NRROS: variants seen among roughly 807,000 people sequenced by gnomAD.
The protein encoded by NRROS is transforming growth factor beta activator LRRC33.
Under a neutral mutation model 12.0 loss-of-function variants are expected in NRROS, and 6 were observed. The observed-to-expected ratio is 0.50, with a 90% confidence interval of 0.27 to 0.98. The LOEUF is 0.98. Ranked by LOEUF, NRROS falls within the 50% of genes least tolerant of loss-of-function variation. The pLI, the probability that NRROS is intolerant of heterozygous loss-of-function variation, is 0.11. For synonymous variants in NRROS, 462 were observed against 410.2 expected (o/e 1.13, Z -1.53); for missense variants, 857 against 888.2 (o/e 0.96, Z 0.45).
At chr3:196,651,098 CAG>C (rs1460759012) in intron 1 of NRROS, among the ~76,000 whole-genome samples, 3 of 152,168 alleles carry the variant, frequency 2.0e-5, no homozygotes, top group Non-Finnish European at 4.4e-5. Context: ...CGGGATTTTG[CAG>C]AGAGATATGG....
intron 1 of NRROS, among the ~76,000 whole-genome samples, chr3:196,646,753 C>T (rs1466057826): frequency 2.0e-5 from 3 of 152,202 alleles, no homozygotes; most frequent in Non-Finnish European, 4.4e-5. Context: ...TCATCCATTC[C>T]CAGAGAGTCT....
intron 1 of NRROS, among the ~76,000 whole-genome samples, chr3:196,650,333 A>G (rs928708419): frequency 1.3e-5 from 2 of 152,134 alleles, no homozygotes; most frequent in African/African-American, 4.8e-5. Flanking sequence ...TAGTAGAGAC[A>G]GGGTTTCACC....
chr3:196,653,435 G>A (rs4912505), intron 1 of NRROS, among the ~76,000 whole-genome samples: 11,316 of 152,328 alleles, frequency 0.074, 463 homozygotes, highest in Non-Finnish European at 0.085. Context: ...GAGCGAGCAG[G>A]TGGGGTGAGC....
rs866758642 is a variant in NRROS, at chr3:196,659,965, C to T, written c.322C>T (p.Arg108Cys). Residue 108 changes from arginine (R) to cysteine (C), a missense_variant, in exon 3 of 3, where the codon CGC (arginine) becomes TGC (cysteine). By Grantham distance (180) the Arg-to-Cys change is radical (BLOSUM62 -3). Transcript: ENST00000328557. Reference protein sequence around the residue: ...RGAFQEQGHLRSLVLGDNCLS... With the variant: ...RGAFQEQGHLCSLVLGDNCLS... ...CGCCTTCCAGGAGCAAGGTCACCTG[C>T]GCAGCCTGGTCCTGGGGGACAACTG... 1.9e-6 allele frequency: 3 copies of T among 1,613,868 alleles called. No homozygotes were observed. The highest frequency in any genetic ancestry group is 2.5e-6 in the Non-Finnish European group (3 of 1,179,904).
intron 2 of NRROS, among the ~76,000 whole-genome samples, chr3:196,657,731 A>G (rs4912587): frequency 0.78 from 115,415 of 148,758 alleles, 45,006 homozygotes; most frequent in African/African-American, 0.84. Flanking sequence ...AAAGATAAAA[A>G]TTCTCTTCCA....
At chr3:196,652,797 A>T (rs1737455410) in intron 1 of NRROS, among the ~76,000 whole-genome samples, 1 of 152,160 alleles carries the variant, frequency 6.6e-6, no homozygotes, top group Non-Finnish European at 1.5e-5. Flanking sequence ...TTCGATACGC[A>T]GGGCTGGCTC....
rs1381663105 is a variant in NRROS, at chr3:196,660,679, G to A, written c.1036G>A (p.Gly346Ser). The A allele has an allele frequency of 1.9e-6, 3 of 1,614,162 alleles. No individual in the cohort carries two copies. The highest frequency in any genetic ancestry group is 2.2e-5 in the East Asian group (1 of 44,878). Residue 346 changes from glycine to serine, a missense_variant, in exon 3 of 3, where the codon GGC becomes AGC. By Grantham distance (56) the Gly-to-Ser change is moderately conservative. Transcript: ENST00000328557. This position sits in a 1 kb window ranked among gnomAD's most constrained non-coding sequence, Gnocchi z 7.7. ...GAACCAGTTCCAGTACCTGCCAGAC[G>A]GCTTCCTGAGGAAAATGCCTTCCCT... ...SQNQFQYLPD[G>S]FLRKMPSLSH... is the part of the protein sequence containing the mutation.
rs115541049 is a variant in NRROS at position 196,642,562 on chromosome 3, C to T, written c.-14+2687C>T. 2.5e-3 allele frequency among the ~76,000 whole-genome samples: 387 copies of T among 152,220 alleles called. 2 individuals are homozygous for T. Among genetic ancestry groups the T allele is most frequent in the Non-Finnish European group, 2.7e-3 (181 of 68,014 alleles). ...CCTTTCCATGAGTTCTAGCAACTGC[C>T]CGTGGATTGATTCTCATGGGCTTGG... On this transcript the variant is annotated intron_variant, in intron 1 of 2. Coordinates refer to ENST00000328557, the MANE Select transcript of NRROS (RefSeq NM_198565.3).
intron 2 of NRROS, 149 bp from the exon 3 acceptor site, chr3:196,659,603 C>G (rs996679162): frequency 3.5e-5 from 29 of 829,048 alleles, no homozygotes; most frequent in Non-Finnish European, 4.9e-5. Flanking sequence ...ACCACCGTGC[C>G]CGGCCTTGTC....
chr3:196,645,531 C>G (rs1259112818), intron 1 of NRROS, among the ~76,000 whole-genome samples: 2 of 152,138 alleles, frequency 1.3e-5, no homozygotes, highest in African/African-American at 4.8e-5. Context: ...AGCCCGTGTT[C>G]CAAGGTGAGC....
chr3:196,660,635 G>A lies in NRROS; in HGVS notation c.992G>A (p.Arg331His), dbSNP rs1315419707. ...EFSSSDLADL[R>H]FLDMSQNQFQ... Reference sequence around the variant, plus strand: ...TCCTCCAGCGACCTCGCAGATCTCCGCTTCCTGGACATGAGCCAGAACCAG... The same window carrying A: ...TCCTCCAGCGACCTCGCAGATCTCCACTTCCTGGACATGAGCCAGAACCAG... Residue 331 changes from arginine (R) to histidine (H), a missense_variant, in exon 3 of 3, where the codon CGC becomes CAC. Arg to His is a conservative substitution (Grantham distance 29). Coordinates refer to ENST00000328557, the MANE Select transcript of NRROS (RefSeq NM_198565.3). This position sits in a 1 kb window ranked among gnomAD's most constrained non-coding sequence, Gnocchi z 7.7. The A allele has an allele frequency of 4.3e-6, 7 of 1,614,176 alleles. No homozygotes were observed. The highest frequency in any genetic ancestry group is 2.7e-5 in the African/African-American group (2 of 75,060).
intron 1 of NRROS, among the ~76,000 whole-genome samples, chr3:196,646,968 T>C (rs1230710866): frequency 2.0e-5 from 3 of 152,234 alleles, no homozygotes; most frequent in Non-Finnish European, 2.9e-5. Context: ...CACTTTCCTT[T>C]CCTTGATATT....
chr3:196,650,251 G>C (rs901575299), intron 1 of NRROS, among the ~76,000 whole-genome samples: 22 of 152,128 alleles, frequency 1.4e-4, no homozygotes, highest in South Asian at 8.3e-4. Context: ...AGGTTCGATT[G>C]TCCTGCCTCA....
At position 196,660,767 on chromosome 3, in the gene NRROS, C is replaced by T. The variant is rs775822148; in HGVS notation, c.1124C>T (p.Pro375Leu). The T allele has an allele frequency of 2.5e-6, 4 of 1,613,876 alleles. No homozygotes were observed. The highest frequency in any genetic ancestry group is 2.2e-5 in the East Asian group (1 of 44,874). Residue 375 changes from proline (P) to leucine (L), a missense_variant, in exon 3 of 3, where the codon CCC (proline) becomes CTC (leucine). Coordinates refer to ENST00000328557, the MANE Select transcript of NRROS (RefSeq NM_198565.3). The surrounding 1 kb of genome is among the most constrained non-coding windows in gnomAD (Gnocchi z 7.7). ...CTTCACATTCGGGAGCACGAGCCCC[C>T]CGGAGCGCTCACCGAGCTGGACCTG... The part of the protein sequence containing the change: ...MTLHIREHEP[P>L]GALTELDLSH...
Position 196,661,491 on chromosome 3 carries a change from G to C in NRROS, c.1848G>C (p.Trp616Cys), listed in dbSNP as rs758989747. 3.1e-6 allele frequency: 5 copies of C among 1,609,198 alleles called. No homozygotes were observed. In the African/African-American group the frequency reaches 6.7e-5, roughly 22 times the overall value. Residue 616 changes from tryptophan to cysteine, a missense_variant, in exon 3 of 3, where the codon TGG becomes TGC. Physicochemically the swap from Trp to Cys is radical, Grantham distance 215. Coordinates refer to ENST00000328557, the MANE Select transcript of NRROS (RefSeq NM_198565.3). Reference protein sequence around the residue: ...ALQHGQTVADWAMVTCNLSSK... With the variant: ...ALQHGQTVADCAMVTCNLSSK... ...AGCATGGGCAGACGGTGGCCGACTG[G>C]GCCATGGTCACCTGCAACCTCTCCT...
At position 196,654,047 on chromosome 3, in the gene NRROS, G is replaced by A. The variant is rs983439962; in HGVS notation, c.-13-480G>A. Reference sequence around the variant, plus strand: ...ACAGCCCCACATCAGCAGCTGAGGAGTAACTCTGGGACAGAGGCCCCCATC... The same window carrying A: ...ACAGCCCCACATCAGCAGCTGAGGAATAACTCTGGGACAGAGGCCCCCATC... On this transcript the variant is annotated intron_variant, in intron 1 of 2. Transcript: ENST00000328557. The surrounding 1 kb of genome is among the most constrained non-coding windows in gnomAD (Gnocchi z 4.4). Among the ~76,000 whole-genome samples, 3 of 152,294 alleles carry A rather than the reference G, an allele frequency of 2.0e-5. No homozygotes were observed. Among genetic ancestry groups the A allele is most frequent in the Admixed American group, 2.0e-4 (3 of 15,284 alleles).
At chr3:196,658,948 T>A (rs1408079289) in intron 2 of NRROS, among the ~76,000 whole-genome samples, 3 of 152,106 alleles carry the variant, frequency 2.0e-5, no homozygotes, top group African/African-American at 4.8e-5. Flanking sequence ...CCAGCCTGGG[T>A]GACAGGGTAA....
rs199580062 is a variant in NRROS, at chr3:196,661,391, C to G, written c.1748C>G (p.Ser583Trp). ...CAGAAGGCTGTGTCTGAGCAGCTCTCGAGAGGTCTGCGGACCATCTACCTC... is the reference window on the plus strand; with the variant it reads ...CAGAAGGCTGTGTCTGAGCAGCTCTGGAGAGGTCTGCGGACCATCTACCTC... ...LPQKAVSEQLSRGLRTIYLSQ... is the reference protein window; with the variant it reads ...LPQKAVSEQLWRGLRTIYLSQ... The change falls in exon 3 of 3, where the codon TCG becomes TGG. Residue 583 changes from serine to tryptophan, a missense_variant. By Grantham distance (177) the Ser-to-Trp change is radical. Transcript: ENST00000328557. 33 of 1,571,436 alleles carry G rather than the reference C, an allele frequency of 2.1e-5. No homozygotes were observed. The Admixed American group carries it at 2.8e-4, about 13-fold the overall frequency.
rs563430314 is a variant in NRROS, at chr3:196,660,558, C to G, written c.915C>G (p.Leu305=). 6.2e-7 allele frequency: 1 copy of G among 1,614,140 alleles called. No individual in the cohort carries two copies. The highest frequency in any genetic ancestry group is 1.3e-5 in the African/African-American group (1 of 75,056). ...GGGAGATGGTGGCCCAGTTCCTCCTCGTGGACGGCAACGTGACCAACATCA... is the reference window on the plus strand; with the variant it reads ...GGGAGATGGTGGCCCAGTTCCTCCTGGTGGACGGCAACGTGACCAACATCA... The part of the protein sequence containing the change: ...SPREMVAQFL[L]VDGNVTNITT... Residue 305 remains leucine, a synonymous_variant, in exon 3 of 3, where the codon CTC becomes CTG. Transcript: ENST00000328557. This position sits in a 1 kb window ranked among gnomAD's most constrained non-coding sequence, Gnocchi z 7.7.
Sources: allele counts gnomAD v4.1 joint callset (sites outside exome capture counted in the v4.1 genomes callset), GRCh38; gene constraint gnomAD v4.1.1; non-coding constraint Gnocchi (gnomAD v3.1); transcripts MANE v1.5; gene names NCBI Gene and HGNC (gene_info 2026-07-23, HGNC 2026-07-21).